NEK6: variants seen among roughly 807,000 people sequenced by gnomAD.
NEK6 encodes the protein NIMA related kinase 6.
A neutral mutation model predicts 43.5 loss-of-function variants in NEK6; 27 were observed. That is an observed-to-expected ratio of 0.62 (90% CI 0.46 to 0.86). The LOEUF (loss-of-function observed/expected upper bound fraction) is 0.86, where lower values mean the gene tolerates loss of function less well. Among genes scored for constraint, NEK6 ranks in the 40% least tolerant of loss-of-function variants. The pLI, the probability that NEK6 is intolerant of heterozygous loss-of-function variation, is 0.00. For missense variants in NEK6, 318 were observed against 414.4 expected, an observed-to-expected ratio of 0.77 and a Z score of 2.02; for synonymous variants, 167 against 164.1, an observed-to-expected ratio of 1.02 and a Z score of -0.14.
intron 1 of NEK6, among the ~76,000 whole-genome samples, chr9:124,270,207 C>T (rs1377228064): frequency 1.3e-5 from 2 of 152,170 alleles, no homozygotes; most frequent in Non-Finnish European, 2.9e-5. Flanking sequence ...AGCACAGAGG[C>T]CTCGAAAGGT....
chr9:124,341,957 G>A (rs1005148886), intron 8 of NEK6, among the ~76,000 whole-genome samples: 8 of 152,188 alleles, frequency 5.3e-5, no homozygotes, highest in South Asian at 4.1e-4. Context: ...GGAAAGCCCC[G>A]GGTGTGGAGA....
At chr9:124,257,918 G>T, upstream of NEK6, 1 of 969,110 alleles carries the variant, frequency 1.0e-6, no homozygotes, top group Non-Finnish European at 1.2e-6. Context: ...GGCGGGGAGG[G>T]GCGGGCGCGC....
chr9:124,300,107 G>A (rs541681364), intron 1 of NEK6: 1 of 152,258 alleles, frequency 6.6e-6, no homozygotes, highest in Non-Finnish European at 1.5e-5. Flanking sequence ...CAAGTTCTGG[G>A]GAGCCTCAGG....
chr9:124,279,594 G>T (rs761693967), intron 1 of NEK6, among the ~76,000 whole-genome samples: 1 of 152,124 alleles, frequency 6.6e-6, no homozygotes, highest in African/African-American at 2.4e-5. Flanking sequence ...TGAGCCACGC[G>T]CCTGGCCCAG....
chr9:124,340,048 G>A (rs1829513612), intron 8 of NEK6, among the ~76,000 whole-genome samples: 1 of 151,998 alleles, frequency 6.6e-6, no homozygotes, highest in African/African-American at 2.4e-5. Flanking sequence ...GGGGTCAGGA[G>A]AGGAGTCAGA....
At chr9:124,350,106 CCTGCTG>C (rs543192921) in intron 9 of NEK6, among the ~76,000 whole-genome samples, 9 of 152,322 alleles carry the variant, frequency 5.9e-5, no homozygotes, top group Non-Finnish European at 1.0e-4. Flanking sequence ...CACCCAGCTT[CCTGCTG>C]CTGCTGCTGC....
rs1169778990 is a variant in NEK6 at position 124,351,382 on chromosome 9, G to A, written c.*435G>A. 6.2e-6 allele frequency: 1 copy of A among 161,222 alleles called. No individual in the cohort carries two copies. Among genetic ancestry groups the A allele is most frequent in the Non-Finnish European group, 1.4e-5 (1 of 73,810 alleles). The allele number at this position is 161,222 out of a possible 1,614,324, so 10.0% of individuals were successfully genotyped here. On this transcript the variant is annotated 3_prime_UTR_variant, in exon 10 of 10. Transcript: ENST00000320246. ...AGTACCGGGTTCAGTTTAGTTCTTA[G>A]TATCTTTTCAATCAAGCTGTGTGCT...
At chr9:124,269,906 T>G (rs1831369975) in intron 1 of NEK6, among the ~76,000 whole-genome samples, 2 of 152,168 alleles carry the variant, frequency 1.3e-5, no homozygotes, top group Non-Finnish European at 2.9e-5. Flanking sequence ...CTCCCTGCAG[T>G]GCCCTGGGAG....
At chr9:124,264,067 G>A (rs1413618793) in intron 1 of NEK6, among the ~76,000 whole-genome samples, 2 of 152,254 alleles carry the variant, frequency 1.3e-5, no homozygotes, top group Non-Finnish European at 2.9e-5. Flanking sequence ...GTGAGCAGCC[G>A]TCTTCCCCTG....
chr9:124,327,372 G>A lies in NEK6; in HGVS notation c.549G>A (p.Thr183=), dbSNP rs757485930. 1.7e-5 allele frequency: 27 copies of A among 1,613,690 alleles called. No individual in the cohort carries two copies. Among genetic ancestry groups the A allele is most frequent in the South Asian group, 9.9e-5 (9 of 91,090 alleles). ...CTGCCAACGTGTTCATCACAGCCAC[G>A]GGCGTCGTGAAGCTCGGTGACCTTG... ...IKPANVFITA[T]GVVKLGDLGL... is the part of the protein sequence containing the mutation. The change falls in exon 7 of 10, where the codon ACG becomes ACA. Residue 183 remains threonine, a synonymous_variant. Transcript: ENST00000320246.
At chr9:124,344,648 G>A (rs562035374) in intron 8 of NEK6, among the ~76,000 whole-genome samples, 5 of 152,310 alleles carry the variant, frequency 3.3e-5, no homozygotes, top group East Asian at 1.9e-4. Context: ...GGTGCCCAGC[G>A]GGCTGCCCGC....
At chr9:124,263,290 C>G (rs1163879189) in intron 1 of NEK6, among the ~76,000 whole-genome samples, 1 of 152,198 alleles carries the variant, frequency 6.6e-6, no homozygotes, top group Non-Finnish European at 1.5e-5. Flanking sequence ...ACTCTTGCCA[C>G]CCATCTGTTT....
intron 5 of NEK6, among the ~76,000 whole-genome samples, chr9:124,323,881 A>G (rs532987367): frequency 4.6e-4 from 70 of 152,294 alleles, no homozygotes; most frequent in African/African-American, 1.6e-3. Context: ...CACCAGAGCC[A>G]ACACTGGCTC....
At chr9:124,307,711 G>A (rs1029750740) in intron 2 of NEK6, among the ~76,000 whole-genome samples, 3 of 152,206 alleles carry the variant, frequency 2.0e-5, no homozygotes, top group Admixed American at 2.0e-4. Flanking sequence ...GCGCAGCCCT[G>A]GAAGGGAGGC....
chr9:124,335,195 G>C (rs1159887422), intron 7 of NEK6, among the ~76,000 whole-genome samples: 2 of 152,146 alleles, frequency 1.3e-5, no homozygotes, highest in Admixed American at 1.3e-4. Flanking sequence ...ACCGAGAACT[G>C]TGTGTTTCAT....
At chr9:124,330,742 C>T (rs545727907) in intron 7 of NEK6, among the ~76,000 whole-genome samples, 226 of 152,276 alleles carry the variant, frequency 1.5e-3, no homozygotes, top group African/African-American at 5.1e-3. Flanking sequence ...AGGGGACAGA[C>T]ACAGTCCATG....
At chr9:124,349,752 C>A (rs1054592173) in intron 9 of NEK6, among the ~76,000 whole-genome samples, 12 of 152,220 alleles carry the variant, frequency 7.9e-5, no homozygotes, top group African/African-American at 2.7e-4. Context: ...CCACAGGTAC[C>A]TTCCCCCGAA....
intron 7 of NEK6, among the ~76,000 whole-genome samples, chr9:124,334,020 A>G (rs1030803272): frequency 6.6e-6 from 1 of 151,830 alleles, no homozygotes; most frequent in African/African-American, 2.4e-5. Flanking sequence ...CTCGTGATCC[A>G]CCCGCCTTGG....
chr9:124,265,692 G>C (rs1482499301), intron 1 of NEK6: 1 of 152,292 alleles, frequency 6.6e-6, no homozygotes, highest in Non-Finnish European at 1.5e-5. Context: ...TCAAGGCTCT[G>C]GTTGTGACAC....
Sources: allele counts gnomAD v4.1 joint callset (sites outside exome capture counted in the v4.1 genomes callset), GRCh38; gene constraint gnomAD v4.1.1; transcripts MANE v1.5; gene names NCBI Gene and HGNC (gene_info 2026-07-23, HGNC 2026-07-21).